Variants in CRISPLD2 observed in about 807,000 individuals in gnomAD.
CRISPLD2 encodes cysteine rich secretory protein LCCL domain containing 2.
Under a neutral mutation model 71.1 loss-of-function variants are expected in CRISPLD2, and 47 were observed. The observed-to-expected ratio is 0.66, with a 90% CI of 0.52 to 0.84. The LOEUF (loss-of-function observed/expected upper bound fraction) is 0.84, where lower values mean the gene tolerates loss of function less well. CRISPLD2 is among the 40% of genes least tolerant of loss of function. The pLI is 0.00. For synonymous variants in CRISPLD2, 317 were observed against 250.1 expected (o/e 1.27, Z -2.52); for missense variants, 830 against 651.1 (o/e 1.27, Z -2.99).
chr16:84,877,478 C>T lies in CRISPLD2; in HGVS notation c.1197C>T (p.Cys399=). 2 of 1,613,946 alleles carry T rather than the reference C, an allele frequency of 1.2e-6. No individual in the cohort carries two copies. The highest frequency in any genetic ancestry group is 1.7e-6 in the Non-Finnish European group (2 of 1,179,890). The stretch of plus-strand genomic sequence containing the variant: ...GCTACACGACCGTTGCTCAGCTGTG[C>T]CCGTTTGAAAAGCCAGCAACTCACT... The part of the protein sequence containing the change: ...LDCYTTVAQL[C]PFEKPATHCP... Residue 399 remains cysteine (C), a synonymous_variant, in exon 12 of 15, where the codon TGC becomes TGT. Transcript: ENST00000262424.
intron 14 of CRISPLD2, among the ~76,000 whole-genome samples, chr16:84,904,007 T>C (rs553916123): frequency 6.6e-6 from 1 of 152,270 alleles, no homozygotes; most frequent in Admixed American, 6.5e-5. Context: ...CTCTGGCCAT[T>C]GTCAGGAACA....
intron 11 of CRISPLD2, among the ~76,000 whole-genome samples, chr16:84,875,915 C>T (rs927959614): frequency 6.6e-6 from 1 of 151,958 alleles, no homozygotes; most frequent in African/African-American, 2.4e-5. Context: ...GAATGATCTC[C>T]CCATTGAATA....
intron 11 of CRISPLD2, 45 bp from the exon 12 acceptor site, chr16:84,877,393 A>C (rs1297228568): frequency 2.5e-6 from 4 of 1,577,960 alleles, no homozygotes; most frequent in Admixed American, 1.7e-5. Context: ...CCTGAGGCCC[A>C]GGCGTGCTGG....
chr16:84,844,971 C>G (rs1244038436), intron 2 of CRISPLD2, among the ~76,000 whole-genome samples: 1 of 152,238 alleles, frequency 6.6e-6, no homozygotes, highest in Non-Finnish European at 1.5e-5. Flanking sequence ...CCTAGGTTCA[C>G]ACTGCCATTC....
intron 14 of CRISPLD2, among the ~76,000 whole-genome samples, chr16:84,898,114 TAAAC>T (rs749403588): frequency 1.2e-4 from 18 of 152,296 alleles, no homozygotes; most frequent in Non-Finnish European, 2.1e-4. Flanking sequence ...TTCACTGTAA[TAAAC>T]AACACTAGAA....
At chr16:84,828,749 T>C (rs1916415974) in intron 1 of CRISPLD2, among the ~76,000 whole-genome samples, 1 of 152,202 alleles carries the variant, frequency 6.6e-6, no homozygotes, top group Non-Finnish European at 1.5e-5. Context: ...CAGTTCTTTT[T>C]TTTTCACATA....
intron 6 of CRISPLD2, among the ~76,000 whole-genome samples, chr16:84,855,588 C>G (rs539871605): frequency 6.6e-6 from 1 of 152,304 alleles, no homozygotes; most frequent in East Asian, 1.9e-4. Flanking sequence ...TCCCAGCCCA[C>G]TGACTCAAAT....
At chr16:84,859,576 C>T (rs1917329132) in intron 6 of CRISPLD2, among the ~76,000 whole-genome samples, 1 of 152,138 alleles carries the variant, frequency 6.6e-6, no homozygotes, top group Non-Finnish European at 1.5e-5. Flanking sequence ...TAAACTGGCT[C>T]AAATCTGGAA....
chr16:84,857,433 C>A (rs534456880), intron 6 of CRISPLD2, among the ~76,000 whole-genome samples: 2 of 152,256 alleles, frequency 1.3e-5, no homozygotes, highest in Non-Finnish European at 1.5e-5. Flanking sequence ...TCCCAAATTT[C>A]TCTGTCGCCA....
intron 1 of CRISPLD2, among the ~76,000 whole-genome samples, chr16:84,825,951 T>C (rs1916341218): frequency 6.6e-6 from 1 of 151,448 alleles, no homozygotes; most frequent in African/African-American, 2.4e-5. Flanking sequence ...AGTGAGACCC[T>C]GTCTCAAAAA....
intron 14 of CRISPLD2, among the ~76,000 whole-genome samples, chr16:84,893,772 G>A (rs1007551955): frequency 1.3e-5 from 2 of 152,206 alleles, no homozygotes; most frequent in African/African-American, 4.8e-5. Flanking sequence ...CCTTATTTAG[G>A]TGGGATCTCA....
chr16:84,887,124 G>A (rs565482430), intron 13 of CRISPLD2, among the ~76,000 whole-genome samples: 5 of 152,294 alleles, frequency 3.3e-5, no homozygotes, highest in African/African-American at 1.2e-4. Flanking sequence ...CAGTGGCTGG[G>A]ACTTCATCTT....
intron 6 of CRISPLD2, among the ~76,000 whole-genome samples, chr16:84,860,311 T>C (rs1184847603): frequency 2.6e-5 from 4 of 152,206 alleles, no homozygotes; most frequent in African/African-American, 9.7e-5. Flanking sequence ...TCCACCATTA[T>C]CCTACACCCT....
At chr16:84,905,439 G>T (rs1456623836) in intron 14 of CRISPLD2, among the ~76,000 whole-genome samples, 1 of 151,396 alleles carries the variant, frequency 6.6e-6, no homozygotes, top group Non-Finnish European at 1.5e-5. Context: ...TCACTCTCTT[G>T]CCCAGGCTGG....
intron 6 of CRISPLD2, among the ~76,000 whole-genome samples, chr16:84,856,499 G>C (rs1033961081): frequency 6.6e-6 from 1 of 152,138 alleles, no homozygotes; most frequent in African/African-American, 2.4e-5. Context: ...AGACCTCTAG[G>C]CCAGCAGAAT....
At chr16:84,877,219 G>A (rs1210651623) in intron 11 of CRISPLD2, among the ~76,000 whole-genome samples, 2 of 152,140 alleles carry the variant, frequency 1.3e-5, no homozygotes, top group Admixed American at 6.5e-5. Flanking sequence ...GGGTGACAAC[G>A]CCCTCAACCC....
At chr16:84,895,945 C>T (rs1302398594) in intron 14 of CRISPLD2, among the ~76,000 whole-genome samples, 1 of 152,074 alleles carries the variant, frequency 6.6e-6, no homozygotes, top group Admixed American at 6.6e-5. Flanking sequence ...GCCCAAGGTC[C>T]TAAAGATGAG....
intron 6 of CRISPLD2, among the ~76,000 whole-genome samples, chr16:84,866,270 G>A (rs1239440755): frequency 6.8e-6 from 1 of 146,042 alleles, no homozygotes; most frequent in Non-Finnish European, 1.5e-5. Context: ...TTTCGCTCTT[G>A]TCACACAGGC....
intron 6 of CRISPLD2, among the ~76,000 whole-genome samples, chr16:84,863,431 C>T (rs535037684): frequency 6.6e-6 from 1 of 152,300 alleles, no homozygotes; most frequent in Non-Finnish European, 1.5e-5. Flanking sequence ...CCTGGTAAGG[C>T]CTTGACCTCT....
Sources: allele counts gnomAD v4.1 joint callset (sites outside exome capture counted in the v4.1 genomes callset), GRCh38; gene constraint gnomAD v4.1.1; transcripts MANE v1.5; gene names NCBI Gene and HGNC (gene_info 2026-07-23, HGNC 2026-07-21).